The following TRIO variants were observed in gnomAD, a reference collection of about 807,000 sequenced individuals.
The protein encoded by TRIO is triple functional domain protein.
A neutral mutation model predicts 351.9 loss-of-function variants in TRIO; 58 were observed. That is an observed-to-expected ratio of 0.16 (90% CI 0.13 to 0.21). The LOEUF is 0.21. Among genes scored for constraint, TRIO ranks in the 10% least tolerant of loss-of-function variants. The pLI, the probability that TRIO is intolerant of heterozygous loss-of-function variation, is 1.00. For synonymous variants in TRIO, 1,758 were observed against 1,595.7 expected (o/e 1.10, Z -2.42); for missense variants, 3,201 against 4,027.8 (o/e 0.79, Z 5.56).
intron 3 of TRIO, among the ~76,000 whole-genome samples, chr5:14,285,576 C>A (rs372660288): frequency 1.3e-5 from 2 of 151,826 alleles, no homozygotes; most frequent in Non-Finnish European, 1.5e-5. Flanking sequence ...GGGGAGTGAG[C>A]CTATGTAAGA....
rs78223279 is a variant in TRIO at position 14,397,409 on chromosome 5, G to T, written c.4423+255G>T. On this transcript the variant is annotated intron_variant, in intron 29 of 56. Transcript: ENST00000344204. ...CTGGACTCCAATAGCACTTTGTGTCGCTTGCTGCAGGCCACCTGTTCTCCC... is the reference window on the plus strand; with the variant it reads ...CTGGACTCCAATAGCACTTTGTGTCTCTTGCTGCAGGCCACCTGTTCTCCC... The T allele has an allele frequency of 1.3e-3, 498 of 372,006 alleles. 1 individual carries two copies. The highest frequency in any genetic ancestry group is 9.6e-3 in the African/African-American group (467 of 48,444). The allele number at this position is 372,006 out of a possible 1,614,324, so 23.0% of individuals were successfully genotyped here. A position where few individuals can be genotyped will look rare whatever the true frequency, so the allele number is the denominator to read the frequency against.
At chr5:14,279,642 G>A (rs542122074) in intron 2 of TRIO, among the ~76,000 whole-genome samples, 4 of 152,200 alleles carry the variant, frequency 2.6e-5, no homozygotes, top group African/African-American at 7.2e-5. Context: ...ACAAGAAATC[G>A]TTCTGCCTGC....
chr5:14,238,990 A>T (rs2152232310), intron 1 of TRIO, among the ~76,000 whole-genome samples: 1 of 152,330 alleles, frequency 6.6e-6, no homozygotes, highest in South Asian at 2.1e-4. Context: ...GTGAATGGTG[A>T]CGCCGATGAG....
intron 34 of TRIO, among the ~76,000 whole-genome samples, chr5:14,454,703 C>T (rs1753125529): frequency 6.6e-6 from 1 of 152,234 alleles, no homozygotes; most frequent in African/African-American, 2.4e-5. Context: ...GCCCTGGAGT[C>T]TAAGGTCATG....
At chr5:14,361,362 T>C (rs42407) in intron 13 of TRIO, among the ~76,000 whole-genome samples, 129,882 of 152,244 alleles carry the variant, frequency 0.85, 55,600 homozygotes, top group African/African-American at 0.89. Context: ...TTAGAGCCAG[T>C]GTGCCACAGC....
At chr5:14,347,096 G>GTT (rs1211430669) in intron 11 of TRIO, among the ~76,000 whole-genome samples, 242 of 136,170 alleles carry the variant, frequency 1.8e-3, no homozygotes, top group African/African-American at 6.4e-3. Flanking sequence ...CGGACCTGAG[G>GTT]TCCTGCAGAA....
Position 14,487,927 on chromosome 5 carries a change from C to G in TRIO, c.7299C>G (p.Pro2433=). The G allele has an allele frequency of 6.5e-7, 1 of 1,539,422 alleles. No homozygotes were observed. The part of the protein sequence containing the change: ...ANASGSSPDA[P]AKDARASLGT... Reference sequence around the variant, plus strand: ...CCTCGGGGTCGAGCCCAGACGCCCCCGCCAAGGACGCGCGCGCTAGCCTGG... The same window carrying G: ...CCTCGGGGTCGAGCCCAGACGCCCCGGCCAAGGACGCGCGCGCTAGCCTGG... Residue 2433 remains proline, a synonymous_variant, in exon 48 of 57, where the codon CCC becomes CCG. Transcript: ENST00000344204.
At chr5:14,468,428 T>C (rs1754436746) in intron 37 of TRIO, among the ~76,000 whole-genome samples, 3 of 152,258 alleles carry the variant, frequency 2.0e-5, no homozygotes, top group Admixed American at 2.0e-4. Context: ...TTCATCCACA[T>C]GGGTGTTCAC....
intron 1 of TRIO, among the ~76,000 whole-genome samples, chr5:14,165,077 C>T (rs955295509): frequency 6.6e-6 from 1 of 152,222 alleles, no homozygotes; most frequent in Non-Finnish European, 1.5e-5. Flanking sequence ...TCCCCTTACC[C>T]GTGTTGCCCC....
chr5:14,498,317 G>GA, intron 52 of TRIO, 66 bp downstream of exon 52: 1 of 1,584,042 alleles, frequency 6.3e-7, no homozygotes, highest in Non-Finnish European at 8.6e-7. Flanking sequence ...TTGGCAACTG[G>GA]AAATTCCTCC....
intron 32 of TRIO, 189 bp downstream of exon 32, chr5:14,406,179 T>A: frequency 1.1e-6 from 1 of 900,790 alleles, no homozygotes; most frequent in Non-Finnish European, 1.6e-6. Context: ...CTCTATTGGC[T>A]TAGAGTAAAC....
intron 49 of TRIO, among the ~76,000 whole-genome samples, chr5:14,494,968 G>A (rs1579827640): frequency 6.6e-6 from 1 of 152,360 alleles, no homozygotes; most frequent in East Asian, 1.9e-4. Flanking sequence ...GATGCCTCCA[G>A]TGGATCTGGG....
chr5:14,185,565 C>A (rs930586560), intron 1 of TRIO, among the ~76,000 whole-genome samples: 1 of 152,164 alleles, frequency 6.6e-6, no homozygotes, highest in Non-Finnish European at 1.5e-5. Context: ...TGGCTCCTGG[C>A]TGAAGAGCAG....
intron 31 of TRIO, among the ~76,000 whole-genome samples, chr5:14,402,465 T>C (rs1261176875): frequency 6.6e-6 from 1 of 152,236 alleles, no homozygotes; most frequent in African/African-American, 2.4e-5. Flanking sequence ...TTTCAGGGAT[T>C]GCTGCATGGT....
intron 34 of TRIO, among the ~76,000 whole-genome samples, chr5:14,457,953 T>C (rs1753487297): frequency 6.6e-6 from 1 of 152,126 alleles, no homozygotes; most frequent in Non-Finnish European, 1.5e-5. Flanking sequence ...TTGGCTGAGG[T>C]CCTACTAGTT....
chr5:14,464,722 G>A (rs1754118848), intron 36 of TRIO, among the ~76,000 whole-genome samples: 1 of 152,330 alleles, frequency 6.6e-6, no homozygotes, highest in South Asian at 2.1e-4. Flanking sequence ...GCATGGCCAG[G>A]ACAGCCCGCT....
chr5:14,278,246 TC>T (rs1735709385), intron 2 of TRIO, among the ~76,000 whole-genome samples: 2 of 152,308 alleles, frequency 1.3e-5, no homozygotes, highest in Non-Finnish European at 2.9e-5. Flanking sequence ...GGTTCTCAGG[TC>T]TGGGGTGATC....
At chr5:14,352,668 C>A (rs565557861) in intron 11 of TRIO, among the ~76,000 whole-genome samples, 47 of 152,292 alleles carry the variant, frequency 3.1e-4, no homozygotes, top group African/African-American at 1.1e-3. Context: ...TAGGACCAGA[C>A]AGAAAAATTC....
rs764520918 is a variant in TRIO, at chr5:14,381,108, C to T, written c.3448-22C>T. Reference sequence around the variant, plus strand: ...TCAGGAATGTGTAGCCCTCTGACTCCATTCATTCCTTCCCCTTCCAGGCTT... The same window carrying T: ...TCAGGAATGTGTAGCCCTCTGACTCTATTCATTCCTTCCCCTTCCAGGCTT... On this transcript the variant is annotated intron_variant, in intron 20 of 56. Coordinates refer to ENST00000344204, the MANE Select transcript of TRIO (RefSeq NM_007118.4). 3 of 1,609,378 alleles carry T rather than the reference C, an allele frequency of 1.9e-6. No homozygotes were observed. In the South Asian group the frequency reaches 3.3e-5, roughly 18 times the overall value.
Sources: gnomAD v4.1 joint callset for allele counts (sites outside exome capture counted in the v4.1 genomes callset) on GRCh38, gnomAD v4.1.1 for gene constraint, MANE v1.5 for transcripts, NCBI Gene and HGNC (gene_info 2026-07-23, HGNC 2026-07-21) for gene names.